Variants in GALNTL6 observed in about 807,000 individuals in gnomAD.
The protein encoded by GALNTL6 is polypeptide N-acetylgalactosaminyltransferase-like 6.
Under a neutral mutation model 73.7 loss-of-function variants are expected in GALNTL6, and 46 were observed. The ratio of observed to expected loss-of-function variants is 0.62; its 90% CI spans 0.49 to 0.80. The LOEUF (loss-of-function observed/expected upper bound fraction) is 0.80. GALNTL6 is among the 30% of genes least tolerant of loss of function. GALNTL6 has a pLI of 0.00. For missense variants in GALNTL6, 604 were observed against 755.0 expected (o/e 0.80, Z 2.34); for synonymous variants, 259 against 263.7 (o/e 0.98, Z 0.17).
At chr4:171,982,150 A>C (rs1739915252) in intron 2 of GALNTL6, among the ~76,000 whole-genome samples, 1 of 152,158 alleles carries the variant, frequency 6.6e-6, no homozygotes, top group African/African-American at 2.4e-5. Flanking sequence ...CCTGACATTA[A>C]GAATATTTAA....
chr4:172,300,028 C>A (rs1490270343), intron 3 of GALNTL6, among the ~76,000 whole-genome samples: 7 of 152,250 alleles, frequency 4.6e-5, no homozygotes, highest in Non-Finnish European at 1.5e-5. Context: ...TCTCTAAGGA[C>A]TTGCTTTATG....
intron 2 of GALNTL6, among the ~76,000 whole-genome samples, chr4:171,883,794 C>T (rs1013479134): frequency 6.6e-6 from 1 of 151,840 alleles, no homozygotes; most frequent in Non-Finnish European, 1.5e-5. Context: ...ACTACAGGCG[C>T]CTGCCACCAC....
intron 5 of GALNTL6, among the ~76,000 whole-genome samples, chr4:172,480,257 G>A (rs1733396713): frequency 6.6e-6 from 1 of 151,870 alleles, no homozygotes; most frequent in South Asian, 2.1e-4. Context: ...AGGTTGCCAT[G>A]AGTCATGATC....
chr4:172,537,720 TA>T (rs1561127660), intron 5 of GALNTL6, among the ~76,000 whole-genome samples: 1 of 152,152 alleles, frequency 6.6e-6, no homozygotes, highest in East Asian at 1.9e-4. Context: ...AGAAGAGTTC[TA>T]AAAAAAGAAG....
chr4:172,058,137 T>TTTTGTTTTGA (rs1731085855), intron 2 of GALNTL6, among the ~76,000 whole-genome samples: 1 of 151,578 alleles, frequency 6.6e-6, no homozygotes, highest in East Asian at 1.9e-4. Context: ...TTTTGTTTTG[T>TTTTGTTTTGA]TTTGTTTTGT....
intron 5 of GALNTL6, among the ~76,000 whole-genome samples, chr4:172,794,710 A>T (rs1380694959): frequency 1.3e-5 from 2 of 152,218 alleles, no homozygotes; most frequent in Non-Finnish European, 2.9e-5. Flanking sequence ...TCAACCCTGC[A>T]GGTGATCACA....
At chr4:172,339,241 C>A (rs1317147425) in intron 4 of GALNTL6, among the ~76,000 whole-genome samples, 1 of 138,702 alleles carries the variant, frequency 7.2e-6, no homozygotes, top group African/African-American at 2.7e-5. Flanking sequence ...GGGCACCCAG[C>A]AAACACACAC....
At chr4:171,955,875 G>A (rs1365041674) in intron 2 of GALNTL6, among the ~76,000 whole-genome samples, 1 of 152,062 alleles carries the variant, frequency 6.6e-6, no homozygotes, top group Non-Finnish European at 1.5e-5. Flanking sequence ...AAAAGACATT[G>A]AAGCTTTTCC....
chr4:172,385,957 ATTAAC>A (rs1187675794), intron 5 of GALNTL6, among the ~76,000 whole-genome samples: 4 of 152,072 alleles, frequency 2.6e-5, no homozygotes, highest in East Asian at 3.8e-4. Flanking sequence ...AGAAATTACA[ATTAAC>A]TTAAAGCAAT....
At chr4:171,989,167 T>C (rs891455404) in intron 2 of GALNTL6, among the ~76,000 whole-genome samples, 3 of 151,996 alleles carry the variant, frequency 2.0e-5, no homozygotes, top group South Asian at 2.1e-4. Context: ...AATAAGGTAA[T>C]ATGGAGTGAG....
chr4:171,988,937 A>G (rs914292954), intron 2 of GALNTL6, among the ~76,000 whole-genome samples: 1 of 152,020 alleles, frequency 6.6e-6, no homozygotes, highest in African/African-American at 2.4e-5. Context: ...AAAAGGTGGC[A>G]ATGAGGTGTG....
chr4:171,843,996 AT>A (rs1478957880), intron 2 of GALNTL6, among the ~76,000 whole-genome samples: 1 of 152,188 alleles, frequency 6.6e-6, no homozygotes, highest in Non-Finnish European at 1.5e-5. Context: ...ACTTCAAAAT[AT>A]CTGTAACAAG....
At chr4:172,678,083 C>G (rs1276000948) in intron 5 of GALNTL6, among the ~76,000 whole-genome samples, 1 of 152,148 alleles carries the variant, frequency 6.6e-6, no homozygotes, top group Non-Finnish European at 1.5e-5. Flanking sequence ...ACCAAGCCCC[C>G]ACATAGACAT....
chr4:173,000,049 C>T (rs1326101968), intron 10 of GALNTL6, among the ~76,000 whole-genome samples: 1 of 152,122 alleles, frequency 6.6e-6, no homozygotes, highest in Non-Finnish European at 1.5e-5. Context: ...TTTCTTACTA[C>T]ATCTTGATAC....
chr4:172,735,823 G>A (rs185927339), intron 5 of GALNTL6, among the ~76,000 whole-genome samples: 37 of 152,148 alleles, frequency 2.4e-4, no homozygotes, highest in African/African-American at 7.5e-4. Context: ...AGTGTCGGCC[G>A]GTCTGAGAAA....
Position 172,504,175 on chromosome 4 carries a change from A to AAAAAAAAAAAAAAAAAAAAAAAAC in GALNTL6, c.553+155490_553+155491insAAAAAAAAAAAAAAAAAAACAAAA, listed in dbSNP as rs1363544210. 1.2e-3 allele frequency among the ~76,000 whole-genome samples: 47 copies of AAAAAAAAAAAAAAAAAAAAAAAAC among 39,310 alleles called. 12 individuals are homozygous for AAAAAAAAAAAAAAAAAAAAAAAAC. The highest frequency in any genetic ancestry group is 3.5e-3 in the African/African-American group (46 of 13,012). 25.8% of individuals were successfully genotyped at this position (39,310 alleles called of 152,430 possible). ...ACTCTGTCTCAAAAAAAAAAAAAAA[A>AAAAAAAAAAAAAAAAAAAAAAAAC]AAAACTCACACCTTGTTGATATTGG... On this transcript the variant is annotated intron_variant, in intron 5 of 12. Transcript: ENST00000506823.
chr4:172,460,002 G>C (rs544522474), intron 5 of GALNTL6, among the ~76,000 whole-genome samples: 7 of 152,244 alleles, frequency 4.6e-5, no homozygotes, highest in African/African-American at 1.7e-4. Context: ...GCATGGCACT[G>C]GTACCAAAAC....
chr4:172,501,307 C>T (rs1253253213), intron 5 of GALNTL6, among the ~76,000 whole-genome samples: 1 of 152,106 alleles, frequency 6.6e-6, no homozygotes, highest in African/African-American at 2.4e-5. Context: ...TTTTTAAAAA[C>T]CTTATTTAGT....
intron 2 of GALNTL6, among the ~76,000 whole-genome samples, chr4:172,078,985 C>A (rs533061453): frequency 6.6e-6 from 1 of 151,994 alleles, no homozygotes; most frequent in South Asian, 2.1e-4. Flanking sequence ...AGTATTATTG[C>A]TGGTTTTGAG....
Sources: gnomAD v4.1 joint callset for allele counts (sites outside exome capture counted in the v4.1 genomes callset) on GRCh38, gnomAD v4.1.1 for gene constraint, MANE v1.5 for transcripts, NCBI Gene and HGNC (gene_info 2026-07-23, HGNC 2026-07-21) for gene names.